Variants in TULP4 observed in about 807,000 individuals in gnomAD.
The protein encoded by TULP4 is tubby-related protein 4.
In TULP4, 16 loss-of-function variants were observed where a neutral mutation model predicts 129.0. The observed-to-expected ratio is 0.12, with a 90% CI of 0.08 to 0.19. The LOEUF is 0.19. TULP4 is among the 10% of genes least tolerant of loss of function. TULP4 has a pLI of 1.00. For synonymous variants in TULP4, 998 were observed against 854.0 expected (o/e 1.17, Z -2.94); for missense variants, 1,842 against 2,059.1 (o/e 0.89, Z 2.04).
intron 2 of TULP4, among the ~76,000 whole-genome samples, chr6:158,414,876 T>C (rs1337943705): frequency 2.6e-5 from 4 of 152,192 alleles, no homozygotes; most frequent in African/African-American, 4.8e-5. Context: ...TCCAAAAATA[T>C]CATTATTCTC....
At chr6:158,421,397 AAAGG>A (rs371415076) in intron 2 of TULP4, among the ~76,000 whole-genome samples, 36,479 of 151,818 alleles carry the variant, frequency 0.24, 5,631 homozygotes, top group Middle Eastern at 0.35. Flanking sequence ...TTTGGTCCAG[AAAGG>A]CAGAACAACT....
intron 1 of TULP4, among the ~76,000 whole-genome samples, chr6:158,408,245 G>A (rs886311410): frequency 6.6e-6 from 1 of 152,164 alleles, no homozygotes; most frequent in Admixed American, 6.5e-5. Context: ...TACTCACCAG[G>A]CGGCAAGGGG....
chr6:158,243,279 C>T (rs946149268), intron 1 of TULP4, among the ~76,000 whole-genome samples: 25 of 152,148 alleles, frequency 1.6e-4, no homozygotes, highest in African/African-American at 4.3e-4. Context: ...TAGTACATGT[C>T]TCCAAAAGAA....
At chr6:158,422,446 TAAA>T (rs1583858613) in intron 2 of TULP4, among the ~76,000 whole-genome samples, 1 of 152,186 alleles carries the variant, frequency 6.6e-6, no homozygotes, top group Non-Finnish European at 1.5e-5. Flanking sequence ...ACACCGTGCA[TAAA>T]AATTAACTCT....
At chr6:158,242,623 T>C in intron 1 of TULP4, 3 of 703,980 alleles carry the variant, frequency 4.3e-6, no homozygotes, top group Non-Finnish European at 8.0e-6. Context: ...CAAGTATTGA[T>C]GACATTCAAG....
chr6:158,303,025 A>G (rs1779156807), intron 1 of TULP4, among the ~76,000 whole-genome samples: 1 of 149,118 alleles, frequency 6.7e-6, no homozygotes, highest in South Asian at 2.2e-4. Flanking sequence ...AGGAAATAAT[A>G]GAAACATCAG....
intron 1 of TULP4, among the ~76,000 whole-genome samples, chr6:158,232,476 CTT>C (rs1004837288): frequency 6.7e-5 from 10 of 150,098 alleles, no homozygotes; most frequent in Admixed American, 2.0e-4. Flanking sequence ...CTGCGGGAGT[CTT>C]GGGAGGGGGC....
In TULP4 at chr6:158,413,763, T is replaced by C. The variant is rs1442646439; in HGVS notation, c.381+570T>C. On this transcript the variant is annotated intron_variant, in intron 2 of 13. Transcript: ENST00000367097. The surrounding 1 kb of genome is among the most constrained non-coding windows in gnomAD (Gnocchi z 4.9). The stretch of plus-strand genomic sequence containing the variant: ...TGAGCTGCGCTGTTTCTAGAACTGC[T>C]CCATAGATTGTTCTGGTTTACAGGA... Among the ~76,000 whole-genome samples, 2 of 152,230 alleles carry C rather than the reference T, an allele frequency of 1.3e-5. No individual in the cohort carries two copies. The highest frequency in any genetic ancestry group is 1.3e-4 in the Admixed American group (2 of 15,286).
chr6:158,447,728 C>T (rs1779083798), intron 3 of TULP4, among the ~76,000 whole-genome samples: 1 of 152,204 alleles, frequency 6.6e-6, no homozygotes, highest in Admixed American at 6.5e-5. Context: ...AAAGCCTTAA[C>T]CAGCTCTCCC....
intron 1 of TULP4, among the ~76,000 whole-genome samples, chr6:158,362,376 G>T (rs755102153): frequency 6.6e-5 from 10 of 151,588 alleles, no homozygotes; most frequent in Non-Finnish European, 1.5e-4. Context: ...AACAGATGAG[G>T]TCTCTCTCTG....
intron 1 of TULP4, among the ~76,000 whole-genome samples, chr6:158,373,782 T>C (rs1002186827): frequency 6.6e-6 from 1 of 152,220 alleles, no homozygotes; most frequent in African/African-American, 2.4e-5. Flanking sequence ...ATTCTTTCCA[T>C]GTTAATATAT....
chr6:158,237,207 CA>C (rs1777727876), intron 1 of TULP4: 14 of 722,674 alleles, frequency 1.9e-5, no homozygotes, highest in Non-Finnish European at 3.3e-5. Context: ...ATTTGAAACA[CA>C]AGGAATTATT....
chr6:158,394,695 G>A (rs1192768732), intron 1 of TULP4, among the ~76,000 whole-genome samples: 1 of 146,650 alleles, frequency 6.8e-6, no homozygotes, highest in Non-Finnish European at 1.5e-5. Context: ...GCTGAGGCAG[G>A]AGAATGGCGT....
chr6:158,461,523 G>A (rs1451824834), intron 5 of TULP4, 40 bp from the exon 6 acceptor site: 1 of 1,592,820 alleles, frequency 6.3e-7, no homozygotes, highest in Non-Finnish European at 8.6e-7. Flanking sequence ...AGTTTGAGGA[G>A]GGCTGTGTCC....
At chr6:158,236,379 A>G (rs1005243691) in intron 1 of TULP4, among the ~76,000 whole-genome samples, 4 of 152,268 alleles carry the variant, frequency 2.6e-5, no homozygotes, top group Admixed American at 6.5e-5. Context: ...TTAAAAATCA[A>G]TAAGAAAAAG....
At chr6:158,455,460 G>T (rs1459785051) in intron 5 of TULP4, among the ~76,000 whole-genome samples, 1 of 152,020 alleles carries the variant, frequency 6.6e-6, no homozygotes, top group South Asian at 2.1e-4. Context: ...CTTTCAGCGG[G>T]GTACGGTGGC....
At chr6:158,352,548 C>G (rs1562531628) in intron 1 of TULP4, among the ~76,000 whole-genome samples, 1 of 152,152 alleles carries the variant, frequency 6.6e-6, no homozygotes, top group Non-Finnish European at 1.5e-5. Flanking sequence ...AGGTGCCCAC[C>G]ACCACGCCTG....
At chr6:158,254,927 C>T (rs963497238) in intron 1 of TULP4, among the ~76,000 whole-genome samples, 1 of 152,200 alleles carries the variant, frequency 6.6e-6, no homozygotes, top group Non-Finnish European at 1.5e-5. Context: ...CAAAAATTAA[C>T]TGGGCATGGT....
chr6:158,301,295 G>A (rs747224015), intron 1 of TULP4, among the ~76,000 whole-genome samples: 14 of 152,116 alleles, frequency 9.2e-5, no homozygotes, highest in Non-Finnish European at 1.5e-4. Flanking sequence ...CAGCATTTCT[G>A]TTACTGGAGC....
Sources: allele counts gnomAD v4.1 joint callset (sites outside exome capture counted in the v4.1 genomes callset), GRCh38; gene constraint gnomAD v4.1.1; non-coding constraint Gnocchi (gnomAD v3.1); transcripts MANE v1.5; gene names NCBI Gene and HGNC (gene_info 2026-07-23, HGNC 2026-07-21).